ESR1: variants seen among roughly 807,000 people sequenced by gnomAD.
ESR1 encodes the protein estrogen receptor 1, also known as estrogen receptor.
A neutral mutation model predicts 52.7 loss-of-function variants in ESR1; 12 were observed. That is an observed-to-expected ratio of 0.23 (90% CI 0.15 to 0.37). ESR1 has a LOEUF of 0.37. ESR1 is among the 10% of genes least tolerant of loss of function. ESR1 has a pLI of 1.00. For synonymous variants in ESR1, 305 were observed against 316.8 expected (o/e 0.96, Z 0.39); for missense variants, 584 against 779.7 (o/e 0.75, Z 2.99).
intron 2 of ESR1, among the ~76,000 whole-genome samples, chr6:151,718,493 C>T (rs577583150): frequency 6.6e-6 from 1 of 152,252 alleles, no homozygotes; most frequent in Non-Finnish European, 1.5e-5. Context: ...TCCCTTTCTA[C>T]CCATTACTAA....
chr6:152,046,275 A>G (rs376998711), intron 5 of ESR1, among the ~76,000 whole-genome samples: 1 of 152,332 alleles, frequency 6.6e-6, no homozygotes, highest in East Asian at 1.9e-4. Context: ...AAGGTTGCAG[A>G]CTAGACTATT....
At chr6:152,039,971 C>T in intron 5 of ESR1, among the ~76,000 whole-genome samples, 1 of 152,258 alleles carries the variant, frequency 6.6e-6, no homozygotes, top group East Asian at 1.9e-4. Context: ...TTCCATAAGT[C>T]CATGGATGGT....
chr6:151,912,316 G>C (rs1286306885), intron 3 of ESR1, among the ~76,000 whole-genome samples: 3 of 152,208 alleles, frequency 2.0e-5, no homozygotes, highest in Non-Finnish European at 4.4e-5. Flanking sequence ...TGAAGTGAAG[G>C]ACTATGCCTG....
intron 6 of ESR1, among the ~76,000 whole-genome samples, chr6:152,116,136 C>G (rs994239921): frequency 2.6e-5 from 4 of 152,086 alleles, no homozygotes; most frequent in African/African-American, 9.7e-5. Context: ...ATCATCACGA[C>G]TTTTTTAGAA....
chr6:151,838,211 C>T (rs918684882), intron 1 of ESR1, among the ~76,000 whole-genome samples: 1 of 152,146 alleles, frequency 6.6e-6, no homozygotes, highest in Non-Finnish European at 1.5e-5. Flanking sequence ...AACAAAGGGC[C>T]TTTGAGGCCG....
At chr6:152,115,387 A>T (rs1008366269) in intron 6 of ESR1, among the ~76,000 whole-genome samples, 20 of 152,198 alleles carry the variant, frequency 1.3e-4, no homozygotes, top group African/African-American at 4.6e-4. Flanking sequence ...CTTGTCCCTG[A>T]TTGGTTTTGG....
At chr6:151,877,982 A>T (rs1459438800) in intron 2 of ESR1, among the ~76,000 whole-genome samples, 7 of 150,560 alleles carry the variant, frequency 4.6e-5, no homozygotes, top group Non-Finnish European at 8.9e-5. Context: ...GCTAATATTT[A>T]ATTTTTTTTT....
Position 152,053,271 on chromosome 6 carries a change from A to AT in ESR1, c.1236-7719dup. On this transcript the variant is annotated intron_variant, in intron 5 of 7. Transcript: ENST00000206249. The surrounding 1 kb of genome is among the most constrained non-coding windows in gnomAD (Gnocchi z 4.1). ...TCCTTTGGACCTTCTGACATTCAAC[A>AT]TCTTGGTCGCTCCTATCCAGCCACA... Among the ~76,000 whole-genome samples the AT allele has an allele frequency of 6.6e-6, 1 of 151,754 alleles. No individual in the cohort carries two copies. The highest frequency in any genetic ancestry group is 2.0e-4 in the East Asian group (1 of 5,120).
intron 3 of ESR1, among the ~76,000 whole-genome samples, chr6:151,941,004 G>C (rs907284381): frequency 6.6e-6 from 1 of 152,190 alleles, no homozygotes; most frequent in Admixed American, 6.5e-5. Context: ...TTTAAAGTGG[G>C]TGGTAATACT....
exon 7 of ESR1, chr6:152,128,485 C>A (rs1197150161): frequency 6.6e-6 from 1 of 152,166 alleles, no homozygotes. Context: ...GTTTAAAATA[C>A]TGTATGAAGA....
intron 1 of ESR1, among the ~76,000 whole-genome samples, chr6:151,696,579 G>C (rs771293428): frequency 6.6e-6 from 1 of 152,130 alleles, no homozygotes; most frequent in Non-Finnish European, 1.5e-5. Flanking sequence ...GCCTTGGGAA[G>C]TGCCTGGTAC....
At chr6:151,719,139 C>T (rs1162394741) in intron 2 of ESR1, among the ~76,000 whole-genome samples, 1 of 152,182 alleles carries the variant, frequency 6.6e-6, no homozygotes, top group Non-Finnish European at 1.5e-5. Context: ...TCGGCTCCAT[C>T]AGTAAACAAC....
In ESR1 at chr6:152,100,201, G is replaced by T; in HGVS notation, c.*1235G>T. 1 of 397,102 alleles carries T rather than the reference G, an allele frequency of 2.5e-6. No homozygotes were observed. The highest frequency in any genetic ancestry group is 4.4e-6 in the Non-Finnish European group (1 of 225,490). The allele number at this position is 397,102 out of a possible 1,614,324, so 24.6% of individuals were successfully genotyped here. On this transcript the variant is annotated 3_prime_UTR_variant, in exon 8 of 8. Coordinates refer to ENST00000206249, the MANE Select transcript of ESR1 (RefSeq NM_000125.4). ...CCAGCTCTTCTTCATTTCCCAGCGT[G>T]GCCCTGGTTGGAAGAAGCAGCTGTC...
At chr6:151,678,817 G>T (rs1386132919) in intron 1 of ESR1, among the ~76,000 whole-genome samples, 2 of 151,882 alleles carry the variant, frequency 1.3e-5, no homozygotes, top group African/African-American at 2.4e-5. Context: ...CTCCAGAGCA[G>T]CTGGGACCAC....
upstream of ESR1, among the ~76,000 whole-genome samples, chr6:151,801,051 G>GGGGTGTGTGTGTGTGT (rs1554258202): frequency 6.8e-6 from 1 of 147,612 alleles, no homozygotes; most frequent in South Asian, 2.2e-4. Context: ...TTGATTATGT[G>GGGGTGTGTGTGTGTGT]GTGTGTGTGT....
intron 6 of ESR1, among the ~76,000 whole-genome samples, chr6:152,065,305 A>T (rs943474831): frequency 3.3e-5 from 5 of 151,534 alleles, no homozygotes; most frequent in Non-Finnish European, 7.4e-5. Context: ...CCTGATGAAA[A>T]CTCTATGGTG....
intron 6 of ESR1, among the ~76,000 whole-genome samples, chr6:152,119,854 T>C (rs943772877): frequency 6.6e-6 from 1 of 152,222 alleles, no homozygotes; most frequent in African/African-American, 2.4e-5. Context: ...CCTTGCTAAA[T>C]TGGCCAATCA....
At chr6:151,675,230 G>A (rs377624337) in intron 1 of ESR1, among the ~76,000 whole-genome samples, 3 of 152,262 alleles carry the variant, frequency 2.0e-5, no homozygotes, top group East Asian at 1.9e-4. Flanking sequence ...AATTACGTGC[G>A]TATTCATTGA....
intron 4 of ESR1, among the ~76,000 whole-genome samples, chr6:151,980,979 G>A (rs182820029): frequency 6.6e-6 from 1 of 152,324 alleles, no homozygotes; most frequent in Admixed American, 6.5e-5. Flanking sequence ...TGGGATTATA[G>A]GCATAAGCCA....
Sources: gnomAD v4.1 joint callset for allele counts (sites outside exome capture counted in the v4.1 genomes callset) on GRCh38, gnomAD v4.1.1 for gene constraint, Gnocchi (gnomAD v3.1) non-coding constraint, MANE v1.5 for transcripts, NCBI Gene and HGNC (gene_info 2026-07-23, HGNC 2026-07-21) for gene names.